RGS12: variants seen among roughly 807,000 people sequenced by gnomAD.
The protein encoded by RGS12 is regulator of G-protein signaling 12.
In RGS12, 66 loss-of-function variants were observed where a neutral mutation model predicts 120.1. That is an observed-to-expected ratio of 0.55 (90% CI 0.45 to 0.67). RGS12 has a LOEUF of 0.67. RGS12 is among the 30% of genes least tolerant of loss of function. The pLI, the probability that RGS12 is intolerant of heterozygous loss-of-function variation, is 0.00. For missense variants in RGS12, 1,859 were observed against 1,957.7 expected, an observed-to-expected ratio of 0.95 and a Z score of 0.95; for synonymous variants, 827 against 804.7, an observed-to-expected ratio of 1.03 and a Z score of -0.47.
chr4:3,370,861 G>T (rs1031212611), intron 3 of RGS12, among the ~76,000 whole-genome samples: 36 of 152,150 alleles, frequency 2.4e-4, no homozygotes, highest in African/African-American at 6.8e-4. Flanking sequence ...CTTTTTAAAA[G>T]ATTTGAGATG....
Position 3,394,319 on chromosome 4 carries a change from C to T in RGS12, c.2020+7882C>T, listed in dbSNP as rs577681865. ...CTGGTATTGCAGATGTACACCACCA[C>T]GCCTGGCTAATTTTTGTATTTTTAG... On this transcript the variant is annotated intron_variant, in intron 4 of 17. Transcript: ENST00000336727. 2.9e-4 allele frequency among the ~76,000 whole-genome samples: 44 copies of T among 152,228 alleles called. 1 individual carries two copies. In the South Asian group the frequency reaches 8.5e-3, roughly 30 times the overall value.
Position 3,366,210 on chromosome 4 carries a change from G to T in RGS12, c.1999-20206G>T, listed in dbSNP as rs1290516687. 6.6e-6 allele frequency among the ~76,000 whole-genome samples: 1 copy of T among 152,098 alleles called. No homozygotes were observed. The highest frequency in any genetic ancestry group is 1.5e-5 in the Non-Finnish European group (1 of 68,008). On this transcript the variant is annotated intron_variant, in intron 3 of 17. Coordinates refer to ENST00000336727, the MANE Select transcript of RGS12 (RefSeq NM_001394154.1). This position sits in a 1 kb window ranked among gnomAD's most constrained non-coding sequence, Gnocchi z 4.0. ...TAGGGGTTAGGCACAGGGCTGGGGC[G>T]GGTGCTGGGCAGACTGCAAAGGGTC... is the stretch of plus-strand genomic sequence containing the variant.
rs1341535843 is a variant in RGS12 at position 3,416,979 on chromosome 4, A to G, written c.2494A>G (p.Ile832Val). 1.9e-6 allele frequency: 3 copies of G among 1,613,336 alleles called. No homozygotes were observed. Among genetic ancestry groups the G allele is most frequent in the Non-Finnish European group, 2.5e-6 (3 of 1,179,592 alleles). The change falls in exon 8 of 18, where the codon ATC (isoleucine) becomes GTC (valine). Residue 832 changes from isoleucine to valine, a missense_variant. Ile to Val is a conservative substitution (Grantham distance 29). Around this residue, in one of 3 missense-constraint regions of RGS12, gnomAD observed 375 missense variants for 475.0 expected, o/e 0.79. Coordinates refer to ENST00000336727, the MANE Select transcript of RGS12 (RefSeq NM_001394154.1). Reference sequence around the variant, plus strand: ...GAAGTCCCCGCTGTACCAGGAATGCATCCTGGCGGAAGTGGAGGGCCGTGC... The same window carrying G: ...GAAGTCCCCGCTGTACCAGGAATGCGTCCTGGCGGAAGTGGAGGGCCGTGC... The part of the protein sequence containing the change: ...FLKSPLYQEC[I>V]LAEVEGRALP...
chr4:3,356,466 C>T (rs1387834537), intron 3 of RGS12, among the ~76,000 whole-genome samples: 1 of 152,134 alleles, frequency 6.6e-6, no homozygotes, highest in East Asian at 1.9e-4. Flanking sequence ...GCAACCATCA[C>T]CACCATCCAT....
Position 3,304,333 on chromosome 4 carries a change from CT to C in RGS12, c.-102+11235del, listed in dbSNP as rs1324498723. On this transcript the variant is annotated intron_variant, in intron 1 of 17. Coordinates refer to ENST00000336727, the MANE Select transcript of RGS12 (RefSeq NM_001394154.1). ...ATGTTGGTGGCTGCTGACCTGCTGC[CT>C]AAACGTAGGTTATTAGTATTCAGAT... Among the ~76,000 whole-genome samples the C allele has an allele frequency of 3.3e-5, 5 of 152,324 alleles. No homozygotes were observed. The East Asian group carries it at 9.6e-4, about 29-fold the overall frequency.
chr4:3,340,884 G>A (rs1713008301), intron 2 of RGS12, among the ~76,000 whole-genome samples: 1 of 152,152 alleles, frequency 6.6e-6, no homozygotes, highest in African/African-American at 2.4e-5. Context: ...GAGTGAGCTG[G>A]CAACTGTGGC....
intron 2 of RGS12, among the ~76,000 whole-genome samples, chr4:3,327,537 G>C (rs532233068): frequency 4.3e-4 from 66 of 152,188 alleles, no homozygotes; most frequent in Non-Finnish European, 8.7e-4. Context: ...ACCTGACAAG[G>C]GTCTAATATC....
intron 16 of RGS12, 148 bp from the exon 17 acceptor site, chr4:3,430,259 T>C (rs185441104): frequency 3.7e-5 from 26 of 704,640 alleles, no homozygotes; most frequent in Admixed American, 9.6e-5. Context: ...TGTGGGAAGA[T>C]AGTGTGGACG....
rs1337378198 is a variant in RGS12, at chr4:3,316,102, C to T, written c.-69C>T. ...TTTGAAGAAGCAAACATGGTAGCATCAAGCATTCCTTGAAATATGGCTCCA... is the reference window on the plus strand; with the variant it reads ...TTTGAAGAAGCAAACATGGTAGCATTAAGCATTCCTTGAAATATGGCTCCA... On this transcript the variant is annotated 5_prime_UTR_variant, in exon 2 of 18. Transcript: ENST00000336727. 4 of 1,455,904 alleles carry T rather than the reference C, an allele frequency of 2.7e-6. No homozygotes were observed. Among genetic ancestry groups the T allele is most frequent in the Middle Eastern group, 1.8e-4 (1 of 5,448 alleles). The allele number at this position is 1,455,904 out of a possible 1,614,324, so 90.2% of individuals were successfully genotyped here.
intron 4 of RGS12, chr4:3,413,024 GCGCCCC>G (rs1721911453): frequency 8.3e-6 from 1 of 120,896 alleles, no homozygotes; most frequent in Non-Finnish European, 1.8e-5. Context: ...AGGGACGGGG[GCGCCCC>G]CACACTGCTC....
intron 4 of RGS12, among the ~76,000 whole-genome samples, chr4:3,403,932 C>T (rs1436363283): frequency 6.6e-6 from 1 of 152,180 alleles, no homozygotes; most frequent in African/African-American, 2.4e-5. Context: ...CAAAATTTCA[C>T]ACCCCAGTAT....
intron 2 of RGS12, among the ~76,000 whole-genome samples, chr4:3,337,050 G>C (rs1391670184): frequency 6.6e-6 from 1 of 152,198 alleles, no homozygotes; most frequent in Non-Finnish European, 1.5e-5. Context: ...GACTTGAATA[G>C]ACGTTTCTCC....
intron 2 of RGS12, among the ~76,000 whole-genome samples, chr4:3,319,262 C>G (rs1210580692): frequency 6.6e-6 from 1 of 152,068 alleles, no homozygotes; most frequent in Non-Finnish European, 1.5e-5. Flanking sequence ...TGCACTCTAG[C>G]CTGGGTGACA....
Position 3,420,397 on chromosome 4 carries a change from G to A in RGS12, c.2762-245G>A, listed in dbSNP as rs751140219. Reference sequence around the variant, plus strand: ...GGAGCCAGGATGTGGCAGTAGACAGGGCAGAGAGTAGCATCTCTGCTGCAT... The same window carrying A: ...GGAGCCAGGATGTGGCAGTAGACAGAGCAGAGAGTAGCATCTCTGCTGCAT... On this transcript the variant is annotated intron_variant, in intron 9 of 17. Coordinates refer to ENST00000336727, the MANE Select transcript of RGS12 (RefSeq NM_001394154.1). 154 of 586,816 alleles carry A rather than the reference G, an allele frequency of 2.6e-4. 1 individual carries two copies. Among genetic ancestry groups the A allele is most frequent in the Admixed American group, 6.8e-4 (23 of 33,718 alleles). 36.4% of individuals were successfully genotyped at this position (586,816 alleles called of 1,614,324 possible).
At chr4:3,315,876 C>T (rs775581569) in intron 1 of RGS12, among the ~76,000 whole-genome samples, 194 bp from the exon 2 acceptor site, 1 of 152,210 alleles carries the variant, frequency 6.6e-6, no homozygotes, top group Admixed American at 6.5e-5. Context: ...AACAAGGTAG[C>T]AGTTGTGGGA....
At chr4:3,301,562 C>T (rs2110358202) in intron 1 of RGS12, among the ~76,000 whole-genome samples, 1 of 151,690 alleles carries the variant, frequency 6.6e-6, no homozygotes, top group East Asian at 1.9e-4. Flanking sequence ...CCCGCCAGGG[C>T]CAGGGATGGA....
intron 1 of RGS12, among the ~76,000 whole-genome samples, chr4:3,303,423 C>T (rs971624008): frequency 6.6e-6 from 1 of 152,236 alleles, no homozygotes; most frequent in Non-Finnish European, 1.5e-5. Flanking sequence ...CTCTGTGGCC[C>T]TTGCTGGAGG....
At chr4:3,369,019 G>A (rs1232537212) in intron 3 of RGS12, among the ~76,000 whole-genome samples, 1 of 152,124 alleles carries the variant, frequency 6.6e-6, no homozygotes, top group Non-Finnish European at 1.5e-5. Context: ...AGACCTATGG[G>A]GCTGACCGGG....
At chr4:3,303,740 G>A (rs907236673) in intron 1 of RGS12, among the ~76,000 whole-genome samples, 5 of 152,200 alleles carry the variant, frequency 3.3e-5, no homozygotes, top group Non-Finnish European at 7.3e-5. Context: ...CACACTTTAT[G>A]TGATTAGTAT....
Sources: gnomAD v4.1 joint callset for allele counts (sites outside exome capture counted in the v4.1 genomes callset) on GRCh38, gnomAD v4.1.1 for gene constraint, gnomAD v4.1.1 regional missense constraint, Gnocchi (gnomAD v3.1) non-coding constraint, MANE v1.5 for transcripts, NCBI Gene and HGNC (gene_info 2026-07-23, HGNC 2026-07-21) for gene names.